The following NKAIN3 variants were observed in gnomAD, a reference collection of about 807,000 sequenced individuals.
NKAIN3 encodes sodium/potassium-transporting ATPase subunit beta-1-interacting protein 3.
In NKAIN3, 25 loss-of-function variants were observed where a neutral mutation model predicts 30.2. The observed-to-expected ratio is 0.83, with a 90% CI of 0.60 to 1.16. The LOEUF is 1.16. NKAIN3 is among the 50% of genes most tolerant of loss of function. NKAIN3 has a pLI of 0.00. For missense variants in NKAIN3, 225 were observed against 254.1 expected (o/e 0.89, Z 0.78); for synonymous variants, 91 against 89.6 (o/e 1.02, Z -0.09).
intron 1 of NKAIN3, among the ~76,000 whole-genome samples, chr8:62,508,020 T>C (rs943601046): frequency 5.9e-5 from 9 of 152,202 alleles, no homozygotes; most frequent in African/African-American, 1.9e-4. Context: ...CAGATATCCG[T>C]CAAAGGTAGT....
At chr8:62,550,612 G>A in intron 1 of NKAIN3, among the ~76,000 whole-genome samples, 1 of 152,190 alleles carries the variant, frequency 6.6e-6, no homozygotes, top group East Asian at 1.9e-4. Context: ...GAGTTTAAAA[G>A]AGTAAAGTTC....
intron 4 of NKAIN3, among the ~76,000 whole-genome samples, chr8:62,815,336 T>C (rs1463068536): frequency 5.9e-5 from 9 of 151,434 alleles, no homozygotes; most frequent in Admixed American, 5.3e-4. Context: ...TTCCAATCAA[T>C]AGGAAAAGAG....
At position 62,980,221 on chromosome 8, in the gene NKAIN3, G is replaced by A. The variant is rs1320308591; in HGVS notation, c.*14814G>A. The A allele has an allele frequency of 6.6e-6, 1 of 152,042 alleles. No homozygotes were observed. Among genetic ancestry groups the A allele is most frequent in the Non-Finnish European group, 1.5e-5 (1 of 67,994 alleles). 9.4% of individuals were successfully genotyped at this position (152,042 alleles called of 1,614,324 possible). On this transcript the variant is annotated 3_prime_UTR_variant, in exon 7 of 7. Coordinates refer to ENST00000623646, the MANE Select transcript of NKAIN3 (RefSeq NM_001304533.3). Reference sequence around the variant, plus strand: ...GGTGTCAGTCTCTTCTAAAAATTTTGTTCCTAAGGAATTGATTTTGCAAAT... The same window carrying A: ...GGTGTCAGTCTCTTCTAAAAATTTTATTCCTAAGGAATTGATTTTGCAAAT...
At chr8:62,908,025 A>G (rs1424422886) in intron 4 of NKAIN3, among the ~76,000 whole-genome samples, 1 of 152,180 alleles carries the variant, frequency 6.6e-6, no homozygotes, top group East Asian at 1.9e-4. Flanking sequence ...AGTCTATGAA[A>G]GCAGCCAGGA....
At chr8:62,565,230 A>AAAAGC (rs1430168814) in intron 1 of NKAIN3, among the ~76,000 whole-genome samples, 1 of 152,214 alleles carries the variant, frequency 6.6e-6, no homozygotes, top group East Asian at 1.9e-4. Flanking sequence ...ATCCTATAAT[A>AAAAGC]TCGGACACTT....
rs61579328 is a variant in NKAIN3, at chr8:62,535,972, G to A, written c.55-43567G>A. ...ATTGTAACAAAAGACTGTAACAAGG[G>A]CTATGGGAGTTATGAGCCAGGAACC... is the stretch of plus-strand genomic sequence containing the variant. On this transcript the variant is annotated intron_variant, in intron 1 of 6. Transcript: ENST00000623646. Among the ~76,000 whole-genome samples, 456 of 152,204 alleles carry A rather than the reference G, an allele frequency of 3.0e-3. 1 individual carries two copies. The highest frequency in any genetic ancestry group is 0.011 in the African/African-American group (437 of 41,540).
chr8:62,847,673 T>C (rs1819732886), intron 4 of NKAIN3, among the ~76,000 whole-genome samples: 1 of 152,206 alleles, frequency 6.6e-6, no homozygotes. Flanking sequence ...GTGCAGAAGC[T>C]GTTTAGTTTA....
In NKAIN3 at chr8:62,281,675, T is replaced by G. The variant is rs192423406; in HGVS notation, c.54+32548T>G. ...AGCAGGTTGTTCAGTTTCCATGTAG[T>G]TGAGTGGTTTTGAGTGGGTTTCTTA... On this transcript the variant is annotated intron_variant, in intron 1 of 6. Transcript: ENST00000623646. Among the ~76,000 whole-genome samples the G allele has an allele frequency of 6.4e-4, 98 of 152,290 alleles. No homozygotes were observed. The Middle Eastern group carries it at 0.014, about 21-fold the overall frequency.
intron 3 of NKAIN3, among the ~76,000 whole-genome samples, chr8:62,639,823 T>C (rs1402650790): frequency 6.6e-6 from 1 of 152,050 alleles, no homozygotes; most frequent in African/African-American, 2.4e-5. Context: ...CTTCCCTTTT[T>C]ATTAATAAGG....
intron 1 of NKAIN3, among the ~76,000 whole-genome samples, chr8:62,464,541 C>T (rs990934144): frequency 6.6e-6 from 1 of 152,068 alleles, no homozygotes; most frequent in Non-Finnish European, 1.5e-5. Flanking sequence ...CTGATAGAAG[C>T]GTAGTGCTAA....
intron 6 of NKAIN3, among the ~76,000 whole-genome samples, chr8:62,957,741 T>A (rs1168310681): frequency 6.6e-6 from 1 of 152,070 alleles, no homozygotes; most frequent in Non-Finnish European, 1.5e-5. Flanking sequence ...GACAGAGGAT[T>A]TTTAGAACAG....
intron 1 of NKAIN3, among the ~76,000 whole-genome samples, chr8:62,462,335 G>T (rs1235329902): frequency 6.6e-6 from 1 of 152,110 alleles, no homozygotes; most frequent in African/African-American, 2.4e-5. Flanking sequence ...GCAAGGTCAA[G>T]CAGTACTGAA....
At chr8:62,771,404 C>G (rs1417495439) in intron 4 of NKAIN3, among the ~76,000 whole-genome samples, 1 of 151,930 alleles carries the variant, frequency 6.6e-6, no homozygotes, top group Non-Finnish European at 1.5e-5. Context: ...GAAAAGTTCA[C>G]TAAGCAGTTT....
At chr8:62,477,490 C>T (rs1427599660) in intron 1 of NKAIN3, among the ~76,000 whole-genome samples, 1 of 152,196 alleles carries the variant, frequency 6.6e-6, no homozygotes, top group Non-Finnish European at 1.5e-5. Flanking sequence ...GTTCTCTCCT[C>T]CCTGCCTCAG....
chr8:62,735,558 T>A (rs1291287445), intron 3 of NKAIN3, among the ~76,000 whole-genome samples: 1 of 152,202 alleles, frequency 6.6e-6, no homozygotes, highest in Non-Finnish European at 1.5e-5. Flanking sequence ...TGTAACATTT[T>A]TTAAATGTCT....
chr8:62,675,082 T>G (rs1232182312), intron 3 of NKAIN3, among the ~76,000 whole-genome samples: 1 of 152,214 alleles, frequency 6.6e-6, no homozygotes, highest in African/African-American at 2.4e-5. Flanking sequence ...ATATTTTTCA[T>G]GTTAATATTT....
intron 3 of NKAIN3, among the ~76,000 whole-genome samples, chr8:62,639,195 T>C (rs923059301): frequency 6.6e-6 from 1 of 152,030 alleles, no homozygotes; most frequent in African/African-American, 2.4e-5. Context: ...AACTCCAAAA[T>C]ATGGAAATTG....
Position 62,347,979 on chromosome 8 carries a change from A to G in NKAIN3, c.54+98852A>G, listed in dbSNP as rs74718272. ...TCTCAGAAGAATTGTCAGGCCTTAAATGAACTTGAAGATATTATTTTAGAC... is the reference window on the plus strand; with the variant it reads ...TCTCAGAAGAATTGTCAGGCCTTAAGTGAACTTGAAGATATTATTTTAGAC... On this transcript the variant is annotated intron_variant, in intron 1 of 6. Coordinates refer to ENST00000623646, the MANE Select transcript of NKAIN3 (RefSeq NM_001304533.3). Among the ~76,000 whole-genome samples, 529 of 152,246 alleles carry G rather than the reference A, an allele frequency of 3.5e-3. 22 individuals carry two copies. The East Asian group carries it at 0.086, about 25-fold the overall frequency.
intron 4 of NKAIN3, among the ~76,000 whole-genome samples, chr8:62,747,533 C>T (rs78786444): frequency 0.027 from 4,063 of 152,276 alleles, 187 homozygotes; most frequent in African/African-American, 0.092. Context: ...GTCTAATAAA[C>T]CTGACATTTC....
Sources: allele counts gnomAD v4.1 joint callset (sites outside exome capture counted in the v4.1 genomes callset), GRCh38; gene constraint gnomAD v4.1.1; transcripts MANE v1.5; gene names NCBI Gene and HGNC (gene_info 2026-07-23, HGNC 2026-07-21).